The following ADAMTSL1 variants were observed in gnomAD, a reference collection of about 807,000 sequenced individuals.
ADAMTSL1 encodes ADAMTS-like protein 1.
A neutral mutation model predicts 201.8 loss-of-function variants in ADAMTSL1; 126 were observed. That is an observed-to-expected ratio of 0.62 (90% CI 0.54 to 0.72). The LOEUF (loss-of-function observed/expected upper bound fraction) is 0.72, where lower values mean the gene tolerates loss of function less well. ADAMTSL1 is among the 30% of genes least tolerant of loss of function. The pLI, the probability that ADAMTSL1 is intolerant of heterozygous loss-of-function variation, is 0.00. For missense variants in ADAMTSL1, 2,679 were observed against 2,277.8 expected (o/e 1.18, Z -3.59); for synonymous variants, 1,121 against 903.4 (o/e 1.24, Z -4.32).
intron 2 of ADAMTSL1, among the ~76,000 whole-genome samples, chr9:18,236,615 G>T (rs1045541410): frequency 6.6e-6 from 1 of 152,238 alleles, no homozygotes; most frequent in Non-Finnish European, 1.5e-5. Context: ...GTTATTTTTA[G>T]GTTGTTAAAA....
At chr9:18,605,696 T>A (rs1824966413) in intron 4 of ADAMTSL1, among the ~76,000 whole-genome samples, 1 of 152,224 alleles carries the variant, frequency 6.6e-6, no homozygotes, top group Admixed American at 6.5e-5. Flanking sequence ...ACACTTTTGG[T>A]GCTAAAGCTG....
chr9:18,889,687 G>C lies in ADAMTSL1; in HGVS notation c.4582G>C (p.Ala1528Pro), dbSNP rs756367659. Residue 1528 changes from alanine to proline, a missense_variant, in exon 25 of 29, where the codon GCA becomes CCA. Transcript: ENST00000380548. The stretch of plus-strand genomic sequence containing the variant: ...CACGGAGGTCAACCCTGCCCACTGC[G>C]CAGGGAAGGTTCGCCCTGCGGTGCA... ...NSTEVNPAHC[A>P]GKVRPAVQPI... The C allele has an allele frequency of 6.3e-7, 1 of 1,595,686 alleles. No homozygotes were observed. Among genetic ancestry groups the C allele is most frequent in the Non-Finnish European group, 8.5e-7 (1 of 1,170,650 alleles).
intron 2 of ADAMTSL1, among the ~76,000 whole-genome samples, chr9:18,515,305 G>A (rs1326349113): frequency 6.6e-6 from 1 of 152,122 alleles, no homozygotes; most frequent in Non-Finnish European, 1.5e-5. Flanking sequence ...AAAAGTAGAG[G>A]TTAGGGTAAA....
intron 2 of ADAMTSL1, among the ~76,000 whole-genome samples, chr9:18,307,470 A>G (rs1035236657): frequency 2.0e-5 from 3 of 152,170 alleles, no homozygotes; most frequent in African/African-American, 4.8e-5. Context: ...AAAGACACAC[A>G]TAGTCTTAAA....
chr9:18,484,590 A>G (rs1413115038), intron 1 of ADAMTSL1, among the ~76,000 whole-genome samples: 3 of 151,960 alleles, frequency 2.0e-5, no homozygotes, highest in African/African-American at 7.2e-5. Flanking sequence ...CTAAAGTAGT[A>G]AAACCTTTAA....
chr9:18,144,364 C>T (rs2132018533), intron 1 of ADAMTSL1, among the ~76,000 whole-genome samples: 1 of 152,052 alleles, frequency 6.6e-6, no homozygotes, highest in South Asian at 2.1e-4. Flanking sequence ...CACCATCAAA[C>T]CTGGCTAATT....
intron 1 of ADAMTSL1, among the ~76,000 whole-genome samples, chr9:18,061,227 A>C (rs1051333140): frequency 2.0e-5 from 3 of 152,228 alleles, no homozygotes; most frequent in African/African-American, 7.2e-5. Flanking sequence ...CAGGTCACTT[A>C]GCAGCTCTGA....
At chr9:17,936,601 C>T (rs1184002496) in intron 1 of ADAMTSL1, among the ~76,000 whole-genome samples, 1 of 152,150 alleles carries the variant, frequency 6.6e-6, no homozygotes, top group Non-Finnish European at 1.5e-5. Context: ...CCATAAATAC[C>T]TGCTGGATTA....
At chr9:17,921,421 T>A (rs867256585) in intron 1 of ADAMTSL1, among the ~76,000 whole-genome samples, 1 of 152,226 alleles carries the variant, frequency 6.6e-6, no homozygotes. Context: ...ATTTTCATCT[T>A]TCGCCTGTTG....
intron 2 of ADAMTSL1, among the ~76,000 whole-genome samples, chr9:18,422,756 C>T (rs771465954): frequency 2.0e-4 from 31 of 152,162 alleles, no homozygotes; most frequent in Non-Finnish European, 3.5e-4. Context: ...CTGCAGCATC[C>T]GGTATGGCCT....
At chr9:18,838,270 C>T (rs1379181748) in intron 23 of ADAMTSL1, among the ~76,000 whole-genome samples, 1 of 151,966 alleles carries the variant, frequency 6.6e-6, no homozygotes, top group Non-Finnish European at 1.5e-5. Context: ...ATGATTCAGT[C>T]ACCTCCCAGC....
chr9:18,177,441 G>A (rs1232279092), intron 2 of ADAMTSL1, among the ~76,000 whole-genome samples: 2 of 152,274 alleles, frequency 1.3e-5, no homozygotes, highest in African/African-American at 4.8e-5. Context: ...CACCGTATGT[G>A]CCTGAAACTT....
intron 2 of ADAMTSL1, among the ~76,000 whole-genome samples, chr9:18,339,895 C>T: frequency 6.6e-6 from 1 of 152,182 alleles, no homozygotes; most frequent in Admixed American, 6.5e-5. Flanking sequence ...CTCTCTCTTC[C>T]ATATTCAGGT....
At chr9:18,373,931 A>G (rs749926218) in intron 2 of ADAMTSL1, among the ~76,000 whole-genome samples, 2 of 152,152 alleles carry the variant, frequency 1.3e-5, no homozygotes, top group Non-Finnish European at 2.9e-5. Context: ...CAAGTCCTGA[A>G]AGGGATGATA....
At chr9:17,952,518 G>C (rs1827765596) in intron 1 of ADAMTSL1, among the ~76,000 whole-genome samples, 3 of 152,068 alleles carry the variant, frequency 2.0e-5, no homozygotes, top group Non-Finnish European at 4.4e-5. Context: ...CATACAAGTA[G>C]AGAATTGTAT....
chr9:18,819,091 C>A (rs1237063963), intron 21 of ADAMTSL1, among the ~76,000 whole-genome samples: 1 of 152,056 alleles, frequency 6.6e-6, no homozygotes, highest in Non-Finnish European at 1.5e-5. Flanking sequence ...CATGCTTTGG[C>A]GATGAAACAC....
intron 1 of ADAMTSL1, among the ~76,000 whole-genome samples, chr9:17,918,596 A>G (rs868523167): frequency 2.6e-5 from 4 of 151,978 alleles, no homozygotes; most frequent in Middle Eastern, 6.8e-3. Context: ...CTTGAAAAGA[A>G]TTAAACTTTC....
At chr9:18,857,202 T>C (rs1328276210) in intron 23 of ADAMTSL1, among the ~76,000 whole-genome samples, 3 of 152,230 alleles carry the variant, frequency 2.0e-5, no homozygotes, top group African/African-American at 7.2e-5. Context: ...AAAGAACTTT[T>C]TCTACCTCAT....
At position 18,232,591 on chromosome 9, in the gene ADAMTSL1, T is replaced by A. The variant is rs767247612; in HGVS notation, c.207+68610T>A. On this transcript the variant is annotated intron_variant, in intron 2 of 29. Coordinates refer to the ADAMTSL1 transcript ENST00000680146. ...TAATAAATATGTGTTGATTGATTGA[T>A]TGAATGAATAACTGAATGAATGGGT... Among the ~76,000 whole-genome samples, 124 of 152,228 alleles carry A rather than the reference T, an allele frequency of 8.1e-4. 1 individual carries two copies. Among genetic ancestry groups the A allele is most frequent in the Admixed American group, 2.6e-3 (40 of 15,278 alleles).
Sources: gnomAD v4.1 joint callset for allele counts (sites outside exome capture counted in the v4.1 genomes callset) on GRCh38, gnomAD v4.1.1 for gene constraint, MANE v1.5 for transcripts, NCBI Gene and HGNC (gene_info 2026-07-23, HGNC 2026-07-21) for gene names.